PAMR1: variants seen among roughly 807,000 people sequenced by gnomAD.
PAMR1 encodes the protein inactive serine protease PAMR1.
In PAMR1, 88 loss-of-function variants were observed where a neutral mutation model predicts 81.8. The observed-to-expected ratio is 1.08, with a 90% CI of 0.91 to 1.28. PAMR1 has a LOEUF of 1.28. Ranked by LOEUF, PAMR1 falls within the 50% of genes most tolerant of loss-of-function variation. PAMR1 has a pLI of 0.00. For missense variants in PAMR1, 935 were observed against 919.7 expected, an observed-to-expected ratio of 1.02 and a Z score of -0.21; for synonymous variants, 336 against 345.3, an observed-to-expected ratio of 0.97 and a Z score of 0.30.
chr11:35,513,523 G>C (rs1285469989), intron 1 of PAMR1: 1 of 152,204 alleles, frequency 6.6e-6, no homozygotes, highest in Non-Finnish European at 1.5e-5. Context: ...AGCTTGCTCT[G>C]AGCCAGAAAC....
At position 35,515,032 on chromosome 11, in the gene PAMR1, A is replaced by G. The variant is rs558957263; in HGVS notation, c.73+10481T>C. Among the ~76,000 whole-genome samples, 4 of 152,336 alleles carry G rather than the reference A, an allele frequency of 2.6e-5. No homozygotes were observed. In the South Asian group the frequency reaches 8.3e-4, roughly 32 times the overall value. ...AAAGAAATAAATAAAACTTGGCTAT[A>G]CAATTCAACAAATATTATATCAATC... On this transcript the variant is annotated intron_variant, in intron 1 of 10. Transcript: ENST00000619888.
At chr11:35,491,531 G>A (rs981607750) in intron 3 of PAMR1, among the ~76,000 whole-genome samples, 13 of 152,158 alleles carry the variant, frequency 8.5e-5, no homozygotes, top group Non-Finnish European at 1.6e-4. Flanking sequence ...CATTTTCAAA[G>A]AACTGTTGAA....
chr11:35,491,113 T>G (rs1051466071), intron 3 of PAMR1, among the ~76,000 whole-genome samples: 1 of 152,132 alleles, frequency 6.6e-6, no homozygotes, highest in African/African-American at 2.4e-5. Flanking sequence ...GACCAACACT[T>G]AAAAAGTATC....
intron 8 of PAMR1, 55 bp downstream of exon 8, chr11:35,439,572 G>A (rs754591048): frequency 2.2e-6 from 3 of 1,392,784 alleles, no homozygotes; most frequent in East Asian, 2.3e-5. Flanking sequence ...GAAGGGGAAT[G>A]GAAGGGGAAA....
At chr11:35,464,528 C>T (rs1326653789) in intron 6 of PAMR1, among the ~76,000 whole-genome samples, 1 of 152,206 alleles carries the variant, frequency 6.6e-6, no homozygotes, top group Non-Finnish European at 1.5e-5. Context: ...GCCAGCAGCA[C>T]ACCACCTCAC....
chr11:35,524,672 C>A (rs1224074517), intron 1 of PAMR1, among the ~76,000 whole-genome samples: 4 of 152,098 alleles, frequency 2.6e-5, no homozygotes, highest in African/African-American at 9.7e-5. Flanking sequence ...CTCACTTTAC[C>A]CCCTGGGCCA....
chr11:35,455,055 G>A (rs1285367079), intron 6 of PAMR1, among the ~76,000 whole-genome samples: 1 of 152,206 alleles, frequency 6.6e-6, no homozygotes, highest in Non-Finnish European at 1.5e-5. Context: ...CCTTTTTCAT[G>A]AGCCTGAATT....
chr11:35,491,672 G>T (rs1046765100), intron 3 of PAMR1, among the ~76,000 whole-genome samples: 6 of 152,200 alleles, frequency 3.9e-5, no homozygotes, highest in South Asian at 2.1e-4. Flanking sequence ...CAGGATTCAA[G>T]AAATTTACCA....
At chr11:35,440,709 T>C (rs1201815820) in intron 7 of PAMR1, among the ~76,000 whole-genome samples, 1 of 152,214 alleles carries the variant, frequency 6.6e-6, no homozygotes, top group Non-Finnish European at 1.5e-5. Context: ...CTCTATACAA[T>C]ATTCCACTTT....
intron 3 of PAMR1, among the ~76,000 whole-genome samples, chr11:35,481,820 C>A (rs1318454278): frequency 6.6e-6 from 1 of 152,086 alleles, no homozygotes; most frequent in African/African-American, 2.4e-5. Context: ...CCTTGCCTGG[C>A]CATAAATGTC....
rs537954378 is a variant in PAMR1, at chr11:35,519,052, A to G, written c.73+6461T>C. On this transcript the variant is annotated intron_variant, in intron 1 of 10. Coordinates refer to ENST00000619888, the MANE Select transcript of PAMR1 (RefSeq NM_001001991.3). ...CCAGAACCTCAGAGAGGGCAATGATAAAGATGCCCAGACTGCAGAAATAAA... is the reference window on the plus strand; with the variant it reads ...CCAGAACCTCAGAGAGGGCAATGATGAAGATGCCCAGACTGCAGAAATAAA... Among the ~76,000 whole-genome samples, 7 of 152,312 alleles carry G rather than the reference A, an allele frequency of 4.6e-5. No individual in the cohort carries two copies. The South Asian group carries it at 1.5e-3, about 32-fold the overall frequency.
In PAMR1 at chr11:35,446,605, G is replaced by A. The variant is rs137939047; in HGVS notation, c.821-4912C>T. Among the ~76,000 whole-genome samples, 192 of 152,210 alleles carry A rather than the reference G, an allele frequency of 1.3e-3. 3 individuals are homozygous for A. The highest frequency in any genetic ancestry group is 4.0e-3 in the African/African-American group (165 of 41,530). ...TAATTTCATTATTTACCCAGGAGTC[G>A]TTCAGGAGCAGGTTGTTCAATTTCC... On this transcript the variant is annotated intron_variant, in intron 6 of 10. Coordinates refer to ENST00000619888, the MANE Select transcript of PAMR1 (RefSeq NM_001001991.3).
chr11:35,432,942 G>A (rs758479172), intron 10 of PAMR1, 50 bp from the exon 11 acceptor site: 4 of 1,476,318 alleles, frequency 2.7e-6, no homozygotes, highest in Non-Finnish European at 3.6e-6. Context: ...GCTCCACAGT[G>A]GATAAGAACA....
At chr11:35,483,683 A>T (rs1344194869) in intron 3 of PAMR1, among the ~76,000 whole-genome samples, 3 of 152,072 alleles carry the variant, frequency 2.0e-5, no homozygotes, top group African/African-American at 7.2e-5. Context: ...ATTTCATATT[A>T]TGGTTTTAAT....
rs568396955 is a variant in PAMR1, at chr11:35,435,245, G to C, written c.1334-441C>G. ...AACTAAATCATATTGTTCTCCTTTC[G>C]CAAAGAGGATGGGGAAGGCAGCTTA... On this transcript the variant is annotated intron_variant, in intron 9 of 10. Coordinates refer to ENST00000619888, the MANE Select transcript of PAMR1 (RefSeq NM_001001991.3). Among the ~76,000 whole-genome samples, 31 of 152,260 alleles carry C rather than the reference G, an allele frequency of 2.0e-4. 1 individual carries two copies. The highest frequency in any genetic ancestry group is 7.2e-4 in the African/African-American group (30 of 41,554).
At chr11:35,518,688 G>A (rs568971874) in intron 1 of PAMR1, among the ~76,000 whole-genome samples, 1 of 151,736 alleles carries the variant, frequency 6.6e-6, no homozygotes, top group Non-Finnish European at 1.5e-5. Flanking sequence ...AAATAGAAGT[G>A]CAACTGGATT....
intron 3 of PAMR1, among the ~76,000 whole-genome samples, chr11:35,476,796 C>T (rs1356969811): frequency 2.6e-5 from 4 of 152,060 alleles, no homozygotes; most frequent in Non-Finnish European, 5.9e-5. Flanking sequence ...ATTTGCAGCT[C>T]TGCCTTGCTG....
chr11:35,444,099 A>G (rs1453140070), intron 6 of PAMR1, among the ~76,000 whole-genome samples: 1 of 152,222 alleles, frequency 6.6e-6, no homozygotes, highest in African/African-American at 2.4e-5. Flanking sequence ...AAATTATACT[A>G]TGAGGTTATA....
chr11:35,469,528 C>A (rs1234443964), intron 5 of PAMR1, among the ~76,000 whole-genome samples: 1 of 152,214 alleles, frequency 6.6e-6, no homozygotes, highest in African/African-American at 2.4e-5. Flanking sequence ...GATCACACCA[C>A]AGCAGCAAAG....
Sources: allele counts gnomAD v4.1 joint callset (sites outside exome capture counted in the v4.1 genomes callset), GRCh38; gene constraint gnomAD v4.1.1; transcripts MANE v1.5; gene names NCBI Gene and HGNC (gene_info 2026-07-23, HGNC 2026-07-21).